GJA3: variants seen among roughly 807,000 people sequenced by gnomAD.
GJA3 encodes gap junction protein alpha 3, also known as gap junction alpha-3 protein.
For synonymous variants in GJA3, 297 were observed against 292.6 expected (o/e 1.02, Z -0.15); for missense variants, 571 against 620.3 (o/e 0.92, Z 0.84).
At chr13:20,161,482 C>T (rs1207699307), upstream of GJA3, among the ~76,000 whole-genome samples, 1 of 152,118 alleles carries the variant, frequency 6.6e-6, no homozygotes, top group Non-Finnish European at 1.5e-5. Flanking sequence ...TCTCCGGGCG[C>T]TCCCACGGTC....
chr13:20,141,814 A>C lies in GJA3; in HGVS notation c.*167T>G. The C allele has an allele frequency of 9.9e-7, 1 of 1,006,066 alleles. No homozygotes were observed. Among genetic ancestry groups the C allele is most frequent in the Non-Finnish European group, 1.4e-6 (1 of 694,640 alleles). 62.3% of individuals were successfully genotyped at this position (1,006,066 alleles called of 1,614,324 possible). ...ACTCACAGTGCTAAGAACAGCAAGCATTGAACACGGAAACCTGATCTCTCC... is the reference window on the plus strand; with the variant it reads ...ACTCACAGTGCTAAGAACAGCAAGCCTTGAACACGGAAACCTGATCTCTCC... On this transcript the variant is annotated 3_prime_UTR_variant, in exon 2 of 2. Transcript: ENST00000241125.
At chr13:20,149,382 G>A (rs1352909112) in intron 1 of GJA3, among the ~76,000 whole-genome samples, 3 of 152,196 alleles carry the variant, frequency 2.0e-5, no homozygotes, top group South Asian at 4.2e-4. Flanking sequence ...CTACGTGGGG[G>A]GCTGTGGTGG....
chr13:20,158,912 C>CAAAAAAAAAAAAAAAAAA (rs1159654355), intron 1 of GJA3, among the ~76,000 whole-genome samples: 21 of 54,982 alleles, frequency 3.8e-4, no homozygotes, highest in South Asian at 1.0e-3. Flanking sequence ...GCAAAACTCT[C>CAAAAAAAAAAAAAAAAAA]AAAAAAAAAA....
chr13:20,158,820 G>A (rs903184580), intron 1 of GJA3, among the ~76,000 whole-genome samples: 1 of 147,116 alleles, frequency 6.8e-6, no homozygotes, highest in Non-Finnish European at 1.5e-5. Flanking sequence ...GCTGAGGCAG[G>A]AGAATCGCTT....
chr13:20,158,931 A>AAAAAAAAG (rs1555340275), intron 1 of GJA3, among the ~76,000 whole-genome samples: 10 of 148,918 alleles, frequency 6.7e-5, no homozygotes, highest in African/African-American at 2.3e-4. Flanking sequence ...AAAAAAAAAA[A>AAAAAAAAG]AAAAAGAAAA....
intron 1 of GJA3, among the ~76,000 whole-genome samples, chr13:20,159,493 G>A (rs9315360): frequency 0.28 from 37,493 of 135,390 alleles, 6,539 homozygotes; most frequent in Non-Finnish European, 0.38. Flanking sequence ...AAAAGGCTGC[G>A]ATAAACGTAA....
intron 1 of GJA3, among the ~76,000 whole-genome samples, chr13:20,152,886 T>C (rs1958886915): frequency 6.6e-6 from 1 of 152,206 alleles, no homozygotes; most frequent in Non-Finnish European, 1.5e-5. Flanking sequence ...TACAGGGCAA[T>C]GGTGGTTCAG....
At chr13:20,156,895 C>T (rs541406626) in intron 1 of GJA3, among the ~76,000 whole-genome samples, 3 of 152,246 alleles carry the variant, frequency 2.0e-5, no homozygotes, top group African/African-American at 7.2e-5. Flanking sequence ...GAAACAACTG[C>T]CTGCCAAGAC....
In GJA3 at chr13:20,142,463, C is replaced by T; in HGVS notation, c.826G>A (p.Ala276Thr). The T allele has an allele frequency of 2.0e-6, 3 of 1,533,608 alleles. No individual in the cohort carries two copies. Among genetic ancestry groups the T allele is most frequent in the Non-Finnish European group, 2.6e-6 (3 of 1,139,898 alleles). The change falls in exon 2 of 2, where the codon GCT (alanine) becomes ACT (threonine). Residue 276 changes from alanine to threonine, a missense_variant. Transcript: ENST00000241125. Reference protein sequence around the residue: ...IGFPPYYAHTAAPLGQARAVG... With the variant: ...IGFPPYYAHTTAPLGQARAVG... The stretch of plus-strand genomic sequence containing the variant: ...GCGCGGGCCTGTCCCAGGGGCGCAG[C>T]GGTGTGCGCATAGTAGGGTGGGAAC...
rs565901279 is a variant in GJA3, at chr13:20,154,183, T to A, written c.-18+6707A>T. On this transcript the variant is annotated intron_variant, in intron 1 of 1. Coordinates refer to ENST00000241125, the MANE Select transcript of GJA3 (RefSeq NM_021954.4). The stretch of plus-strand genomic sequence containing the variant: ...GGGTTTGGATTGGAAATGCAGTAAG[T>A]TTAGAGATGAATCAGATTTACTTCT... Among the ~76,000 whole-genome samples, 5 of 152,310 alleles carry A rather than the reference T, an allele frequency of 3.3e-5. No individual in the cohort carries two copies. The East Asian group carries it at 9.6e-4, about 29-fold the overall frequency.
intron 1 of GJA3, among the ~76,000 whole-genome samples, chr13:20,158,933 A>AAAAG: frequency 6.7e-6 from 1 of 149,916 alleles, no homozygotes; most frequent in Non-Finnish European, 1.5e-5. Context: ...AAAAAAAAAA[A>AAAAG]AAAGAAAAAG....
At chr13:20,159,105 G>A (rs1958922729) in intron 1 of GJA3, among the ~76,000 whole-genome samples, 1 of 151,844 alleles carries the variant, frequency 6.6e-6, no homozygotes, top group Non-Finnish European at 1.5e-5. Flanking sequence ...CATATATGCT[G>A]TTGTCACATA....
At chr13:20,153,159 C>T (rs6490523) in intron 1 of GJA3, among the ~76,000 whole-genome samples, 7 of 151,854 alleles carry the variant, frequency 4.6e-5, no homozygotes, top group Non-Finnish European at 8.8e-5. Context: ...TCATAGTTCT[C>T]ATCTGACTTT....
chr13:20,141,714 G>C lies in GJA3; in HGVS notation c.*267C>G, dbSNP rs556124560. On this transcript the variant is annotated 3_prime_UTR_variant, in exon 2 of 2. Transcript: ENST00000241125. ...TCAGCGACCAGATTTCTGGGCTGCT[G>C]TGAAGATCTTAAAGGCCCACAACCC... is the stretch of plus-strand genomic sequence containing the variant. The C allele has an allele frequency of 9.8e-6, 5 of 512,378 alleles. No homozygotes were observed. In the South Asian group the frequency reaches 1.6e-4, roughly 16 times the overall value. The allele number at this position is 512,378 out of a possible 1,614,324, so 31.7% of individuals were successfully genotyped here. A position where few individuals can be genotyped will look rare whatever the true frequency, so the allele number is the denominator to read the frequency against.
At chr13:20,148,850 A>G (rs1278532663) in intron 1 of GJA3, among the ~76,000 whole-genome samples, 2 of 152,340 alleles carry the variant, frequency 1.3e-5, no homozygotes, top group African/African-American at 4.8e-5. Flanking sequence ...ACCACAGCCC[A>G]TGTTGTTGAA....
intron 1 of GJA3, 49 bp from the exon 2 acceptor site, chr13:20,143,354 C>G (rs1223161537): frequency 7.4e-7 from 1 of 1,345,536 alleles, no homozygotes. Context: ...GGCTGAGTGC[C>G]GGGTCCGCAC....
rs867449455 is a variant in GJA3 at position 20,138,516 on chromosome 13, G to C, written c.*3465C>G. The C allele has an allele frequency of 6.6e-6, 1 of 152,054 alleles. No homozygotes were observed. The highest frequency in any genetic ancestry group is 2.1e-4 in the South Asian group (1 of 4,822). The allele number at this position is 152,054 out of a possible 1,614,324, so 9.4% of individuals were successfully genotyped here. A position where few individuals can be genotyped will look rare whatever the true frequency, so the allele number is the denominator to read the frequency against. On this transcript the variant is annotated 3_prime_UTR_variant, in exon 2 of 2. Coordinates refer to ENST00000241125, the MANE Select transcript of GJA3 (RefSeq NM_021954.4). The stretch of plus-strand genomic sequence containing the variant: ...TAACGTAAAGGGGAAAAAATATTTT[G>C]GGCAGTCAGAAACCTTAAAGTGAGT...
chr13:20,142,542 T>C lies in GJA3; in HGVS notation c.747A>G (p.Thr249=). 1 of 1,564,992 alleles carries C rather than the reference T, an allele frequency of 6.4e-7. No homozygotes were observed. Among genetic ancestry groups the C allele is most frequent in the Non-Finnish European group, 8.7e-7 (1 of 1,155,574 alleles). The change falls in exon 2 of 2, where the codon ACA becomes ACG. Residue 249 remains threonine, a synonymous_variant. Coordinates refer to ENST00000241125, the MANE Select transcript of GJA3 (RefSeq NM_021954.4). ...TGGGGGGCAGGGGCGGGGGATCGGC[T>C]GTCCCCAGCGGGGCCTCGGAGGCGT... The part of the protein sequence containing the change: ...GPDASEAPLG[T]ADPPPLPPSS...
At chr13:20,146,698 G>A (rs1958844824) in intron 1 of GJA3, among the ~76,000 whole-genome samples, 2 of 152,202 alleles carry the variant, frequency 1.3e-5, no homozygotes, top group African/African-American at 4.8e-5. Context: ...GGATCTTTCT[G>A]GAAAAGAATG....
Sources: gnomAD v4.1 joint callset for allele counts (sites outside exome capture counted in the v4.1 genomes callset) on GRCh38, gnomAD v4.1.1 for gene constraint, MANE v1.5 for transcripts, NCBI Gene and HGNC (gene_info 2026-07-23, HGNC 2026-07-21) for gene names.